KCNQ4: variants seen among roughly 807,000 people sequenced by gnomAD.
KCNQ4 encodes the protein potassium voltage-gated channel subfamily KQT member 4.
KCNQ4 carries 31 observed loss-of-function variants against 72.6 expected under a neutral mutation model. That is an observed-to-expected ratio of 0.43 (90% CI 0.32 to 0.58). The LOEUF (loss-of-function observed/expected upper bound fraction) is 0.58. Ranked by LOEUF, KCNQ4 falls within the 20% of genes least tolerant of loss-of-function variation. KCNQ4 has a pLI of 0.08. For missense variants in KCNQ4, 869 were observed against 962.6 expected (o/e 0.90, Z 1.29); for synonymous variants, 405 against 403.7 (o/e 1.00, Z -0.04).
chr1:40,792,604 G>C (rs1486658030), intron 1 of KCNQ4, among the ~76,000 whole-genome samples: 1 of 151,982 alleles, frequency 6.6e-6, no homozygotes, highest in Non-Finnish European at 1.5e-5. Flanking sequence ...CCTGCTGCCC[G>C]TTCCCTGGGT....
intron 1 of KCNQ4, among the ~76,000 whole-genome samples, chr1:40,808,552 G>GAGAGTTGGGCCTTGCCTCTTCCC (rs1240355867): frequency 6.6e-6 from 1 of 151,870 alleles, no homozygotes; most frequent in Admixed American, 6.6e-5. Flanking sequence ...GCCCACTTCT[G>GAGAGTTGGGCCTTGCCTCTTCCC]AGAGTTGGGC....
chr1:40,795,680 G>A (rs1369689537), intron 1 of KCNQ4, among the ~76,000 whole-genome samples: 2 of 152,050 alleles, frequency 1.3e-5, no homozygotes, highest in Admixed American at 1.3e-4. Context: ...GAGACATATG[G>A]GGGAGCGGGG....
chr1:40,833,917 A>G (rs1222694030), intron 11 of KCNQ4, among the ~76,000 whole-genome samples: 5 of 151,610 alleles, frequency 3.3e-5, no homozygotes, highest in Non-Finnish European at 7.4e-5. Flanking sequence ...GCCAAGGTGG[A>G]AGGATGGCTT....
chr1:40,816,483 T>C lies in KCNQ4; in HGVS notation c.315-782T>C, dbSNP rs531772348. Among the ~76,000 whole-genome samples, 10 of 152,254 alleles carry C rather than the reference T, an allele frequency of 6.6e-5. No individual in the cohort carries two copies. The East Asian group carries it at 1.9e-3, about 29-fold the overall frequency. ...CCTGGGCACACTGGGCGACAAAGGG[T>C]GAGTCCTTCTTCCTCTTCGGGCCTG... On this transcript the variant is annotated intron_variant, in intron 1 of 13. Transcript: ENST00000347132.
chr1:40,817,533 T>C lies in KCNQ4; in HGVS notation c.405+178T>C, dbSNP rs1648137427. Among the ~76,000 whole-genome samples, 1 of 152,002 alleles carries C rather than the reference T, an allele frequency of 6.6e-6. No individual in the cohort carries two copies. The highest frequency in any genetic ancestry group is 2.1e-4 in the South Asian group (1 of 4,822). Reference sequence around the variant, plus strand: ...GAGTCCGGGACTGAGGGGGGCCGTGTGAGGTGGCACCTCTGGGCTGAGGGC... The same window carrying C: ...GAGTCCGGGACTGAGGGGGGCCGTGCGAGGTGGCACCTCTGGGCTGAGGGC... On this transcript the variant is annotated intron_variant, in intron 2 of 13. Transcript: ENST00000347132. The surrounding 1 kb of genome is among the most constrained non-coding windows in gnomAD (Gnocchi z 5.5).
At position 40,838,540 on chromosome 1, in the gene KCNQ4, A is replaced by G; in HGVS notation, c.*17A>G. 1 of 1,611,690 alleles carries G rather than the reference A, an allele frequency of 6.2e-7. No individual in the cohort carries two copies. The highest frequency in any genetic ancestry group is 8.5e-7 in the Non-Finnish European group (1 of 1,177,836). ...ATGGACTGAGGGACTTCTCAGAGGC[A>G]GGGCAGCACACGGCCAGCCCCGCGG... On this transcript the variant is annotated 3_prime_UTR_variant, in exon 14 of 14. Coordinates refer to ENST00000347132, the MANE Select transcript of KCNQ4 (RefSeq NM_004700.4).
rs749739756 is a variant in KCNQ4 at position 40,817,527 on chromosome 1, G to A, written c.405+172G>A. Among the ~76,000 whole-genome samples the A allele has an allele frequency of 7.2e-5, 11 of 152,204 alleles. No individual in the cohort carries two copies. The highest frequency in any genetic ancestry group is 1.5e-4 in the Non-Finnish European group (10 of 68,004). ...GGCTGGGAGTCCGGGACTGAGGGGG[G>A]CCGTGTGAGGTGGCACCTCTGGGCT... On this transcript the variant is annotated intron_variant, in intron 2 of 13. Coordinates refer to ENST00000347132, the MANE Select transcript of KCNQ4 (RefSeq NM_004700.4). The surrounding 1 kb of genome is among the most constrained non-coding windows in gnomAD (Gnocchi z 5.5).
chr1:40,834,911 TG>T, intron 11 of KCNQ4, 55 bp from the exon 12 acceptor site: 4 of 1,604,960 alleles, frequency 2.5e-6, no homozygotes, highest in Non-Finnish European at 3.4e-6. Flanking sequence ...GAGAGGGTGC[TG>T]GGAAAGAATC....
intron 1 of KCNQ4, among the ~76,000 whole-genome samples, chr1:40,795,364 C>T (rs749435430): frequency 6.7e-6 from 1 of 149,432 alleles, no homozygotes; most frequent in African/African-American, 2.5e-5. Flanking sequence ...TGGGCTCAAG[C>T]GATCCTCCTG....
chr1:40,838,368 C>A lies in KCNQ4; in HGVS notation c.1933C>A (p.Arg645Ser). 6.2e-7 allele frequency: 1 copy of A among 1,614,002 alleles called. No homozygotes were observed. The highest frequency in any genetic ancestry group is 8.5e-7 in the Non-Finnish European group (1 of 1,179,944). The change falls in exon 14 of 14, where the codon CGC (arginine) becomes AGC (serine). Residue 645 changes from arginine (R) to serine (S), a missense_variant. By Grantham distance (110) the Arg-to-Ser change is moderately radical (BLOSUM62 -1). This residue lies in a region of KCNQ4 where 480 missense variants were observed against 501.9 expected (regional missense o/e 0.96). Transcript: ENST00000347132. ...GTTGGGCTTCTATTCGCGCTGCCTG[C>A]GCTCTGGCACCTCGGCCAGCCTGGG... is the stretch of plus-strand genomic sequence containing the variant. ...LLLGFYSRCL[R>S]SGTSASLGAV... is the part of the protein sequence containing the mutation.
Position 40,837,779 on chromosome 1 carries a change from C to A in KCNQ4, c.1860C>A (p.Val620=). Residue 620 remains valine, a synonymous_variant, in exon 13 of 14, where the codon GTC becomes GTA. Transcript: ENST00000347132. The part of the protein sequence containing the change: ...VDEISMMGRV[V]KVEKQVQSIE... ...AAATCAGCATGATGGGACGCGTGGTCAAGGTGGAGAAGCAGGTGAGTGTAG... is the reference window on the plus strand; with the variant it reads ...AAATCAGCATGATGGGACGCGTGGTAAAGGTGGAGAAGCAGGTGAGTGTAG... 1 of 1,609,462 alleles carries A rather than the reference C, an allele frequency of 6.2e-7. No individual in the cohort carries two copies. Among genetic ancestry groups the A allele is most frequent in the South Asian group, 1.1e-5 (1 of 90,014 alleles).
chr1:40,838,918 G>A lies in KCNQ4; in HGVS notation c.*395G>A, dbSNP rs1648895982. The A allele has an allele frequency of 6.2e-6, 2 of 325,166 alleles. No individual in the cohort carries two copies. The highest frequency in any genetic ancestry group is 4.2e-5 in the Admixed American group (1 of 23,668). The allele number at this position is 325,166 out of a possible 1,614,324, so 20.1% of individuals were successfully genotyped here. A position where few individuals can be genotyped will look rare whatever the true frequency, so the allele number is the denominator to read the frequency against. ...AGGTGAGGTCTCTGGCCCACCCTTC[G>A]GACACAGCAGGGAAGCCCTCCCGCC... On this transcript the variant is annotated 3_prime_UTR_variant, in exon 14 of 14. Transcript: ENST00000347132.
intron 1 of KCNQ4, among the ~76,000 whole-genome samples, chr1:40,803,564 C>T (rs1647648298): frequency 1.3e-5 from 2 of 152,196 alleles, no homozygotes; most frequent in South Asian, 4.1e-4. Flanking sequence ...AGAGTATCTG[C>T]AGATGTCCTC....
At chr1:40,818,025 C>T in intron 2 of KCNQ4, 139 bp from the exon 3 acceptor site, 1 of 1,130,740 alleles carries the variant, frequency 8.8e-7, no homozygotes, top group Non-Finnish European at 1.3e-6. Flanking sequence ...CCGGAATCGT[C>T]AAGTCCAGGA....
Position 40,824,206 on chromosome 1 carries a change from C to G in KCNQ4, c.1240C>G (p.Pro414Ala), listed in dbSNP as rs1648403475. Reference sequence around the variant, plus strand: ...CGACGGAGCACCCTCCCGTTACCCGCCCGTTGCCACCTGCCACCGGCCGGG... The same window carrying G: ...CGACGGAGCACCCTCCCGTTACCCGGCCGTTGCCACCTGCCACCGGCCGGG... ...VPDGAPSRYP[P>A]VATCHRPGST... The change falls in exon 9 of 14, where the codon CCC becomes GCC. Residue 414 changes from proline to alanine, a missense_variant. Physicochemically the swap from Pro to Ala is conservative, Grantham distance 27. Coordinates refer to ENST00000347132, the MANE Select transcript of KCNQ4 (RefSeq NM_004700.4). 1.2e-6 allele frequency: 2 copies of G among 1,601,534 alleles called. No individual in the cohort carries two copies. Among genetic ancestry groups the G allele is most frequent in the Non-Finnish European group, 1.7e-6 (2 of 1,174,978 alleles).
intron 11 of KCNQ4, among the ~76,000 whole-genome samples, chr1:40,834,308 C>T (rs1648745981): frequency 6.6e-6 from 1 of 152,146 alleles, no homozygotes; most frequent in Non-Finnish European, 1.5e-5. Flanking sequence ...GGACTCAGAC[C>T]AGGGAGACTT....
chr1:40,788,635 G>A lies in KCNQ4; in HGVS notation c.314+4228G>A, dbSNP rs1647228334. Among the ~76,000 whole-genome samples, 1 of 152,194 alleles carries A rather than the reference G, an allele frequency of 6.6e-6. No homozygotes were observed. Reference sequence around the variant, plus strand: ...CCGGAGCGGGGGCTGACTGGGAGCTGTTGCGCTCAGCACCACAGCCTCAGC... The same window carrying A: ...CCGGAGCGGGGGCTGACTGGGAGCTATTGCGCTCAGCACCACAGCCTCAGC... On this transcript the variant is annotated intron_variant, in intron 1 of 13. Transcript: ENST00000347132. The surrounding 1 kb of genome is among the most constrained non-coding windows in gnomAD (Gnocchi z 4.5).
chr1:40,793,120 A>G (rs535611230), intron 1 of KCNQ4, among the ~76,000 whole-genome samples: 1 of 140,810 alleles, frequency 7.1e-6, no homozygotes, highest in South Asian at 2.2e-4. Context: ...CTTCCACCTC[A>G]CCCTCCTAAG....
intron 1 of KCNQ4, among the ~76,000 whole-genome samples, chr1:40,797,635 G>C (rs1196311599): frequency 6.6e-6 from 1 of 152,102 alleles, no homozygotes; most frequent in Non-Finnish European, 1.5e-5. Flanking sequence ...ATGCTGGAGG[G>C]GTAAGGACTC....
Sources: gnomAD v4.1 joint callset for allele counts (sites outside exome capture counted in the v4.1 genomes callset) on GRCh38, gnomAD v4.1.1 for gene constraint, gnomAD v4.1.1 regional missense constraint, Gnocchi (gnomAD v3.1) non-coding constraint, MANE v1.5 for transcripts, NCBI Gene and HGNC (gene_info 2026-07-23, HGNC 2026-07-21) for gene names.